Variants in CNBD1 observed in about 807,000 individuals in gnomAD.
CNBD1 encodes cyclic nucleotide-binding domain-containing protein 1.
CNBD1 carries 71 observed loss-of-function variants against 54.4 expected under a neutral mutation model. The ratio of observed to expected loss-of-function variants is 1.30; its 90% CI spans 1.08 to 1.59. The LOEUF is 1.59. CNBD1 is among the 40% of genes most tolerant of loss of function. The probability of loss-of-function intolerance (pLI) is 0.00; values close to 1 mark genes in which losing one functional copy is unlikely to be tolerated. For synonymous variants in CNBD1, 182 were observed against 170.7 expected, an observed-to-expected ratio of 1.07 and a Z score of -0.51; for missense variants, 659 against 518.0, an observed-to-expected ratio of 1.27 and a Z score of -2.64.
chr8:86,960,475 A>G (rs1294014382), intron 4 of CNBD1, among the ~76,000 whole-genome samples: 4 of 152,076 alleles, frequency 2.6e-5, no homozygotes, highest in African/African-American at 2.4e-5. Flanking sequence ...TAGGTAAACA[A>G]AGTGGCCGGG....
At chr8:87,112,499 A>T (rs2130705789) in intron 4 of CNBD1, among the ~76,000 whole-genome samples, 1 of 152,266 alleles carries the variant, frequency 6.6e-6, no homozygotes, top group South Asian at 2.1e-4. Flanking sequence ...AAGCCCTCAG[A>T]TTTCCACACT....
intron 4 of CNBD1, among the ~76,000 whole-genome samples, chr8:87,153,641 T>C (rs1812652224): frequency 6.6e-6 from 1 of 152,182 alleles, no homozygotes; most frequent in African/African-American, 2.4e-5. Context: ...GTATGAGAAA[T>C]ATAACTAATT....
chr8:86,913,421 C>T (rs773628852), intron 3 of CNBD1, among the ~76,000 whole-genome samples: 13 of 152,094 alleles, frequency 8.5e-5, no homozygotes, highest in Non-Finnish European at 1.6e-4. Flanking sequence ...GATAATTCTT[C>T]ATTATTTCAC....
intron 4 of CNBD1, among the ~76,000 whole-genome samples, chr8:87,091,890 T>C (rs1811209614): frequency 6.6e-6 from 1 of 152,196 alleles, no homozygotes; most frequent in Admixed American, 6.5e-5. Context: ...TGTCTATAAG[T>C]ATACCTATAA....
intron 8 of CNBD1, among the ~76,000 whole-genome samples, chr8:87,320,466 A>T (rs1241653782): frequency 6.6e-6 from 1 of 152,122 alleles, no homozygotes; most frequent in Non-Finnish European, 1.5e-5. Flanking sequence ...ATATGTGATG[A>T]TAATTCTGGA....
chr8:87,360,032 T>G (rs1407851515), intron 10 of CNBD1, among the ~76,000 whole-genome samples: 1 of 152,058 alleles, frequency 6.6e-6, no homozygotes, highest in East Asian at 1.9e-4. Flanking sequence ...TGCTTATCTT[T>G]CTCCAGGTAT....
Position 87,422,697 on chromosome 8 carries a change from T to A in CNBD1, c.214-5849T>A, listed in dbSNP as rs1430704038. On this transcript the variant is annotated intron_variant, in intron 2 of 7. Coordinates refer to the CNBD1 transcript ENST00000521593. Reference sequence around the variant, plus strand: ...TGTAGCCTTGTAGTATAGTTTGAAGTCAGGTAGTGTGATGCCTCCAGCTTT... The same window carrying A: ...TGTAGCCTTGTAGTATAGTTTGAAGACAGGTAGTGTGATGCCTCCAGCTTT... Among the ~76,000 whole-genome samples the A allele has an allele frequency of 5.9e-5, 9 of 152,290 alleles. No homozygotes were observed. In the East Asian group the frequency reaches 1.7e-3, roughly 29 times the overall value.
chr8:87,394,475 G>A (rs1479284142), intron 2 of CNBD1, among the ~76,000 whole-genome samples: 5 of 151,578 alleles, frequency 3.3e-5, no homozygotes, highest in Non-Finnish European at 1.5e-5. Context: ...TATTCTTTCT[G>A]TCTGTCTTCC....
chr8:87,138,100 G>A (rs377657039), intron 4 of CNBD1, among the ~76,000 whole-genome samples: 1 of 152,112 alleles, frequency 6.6e-6, no homozygotes, highest in African/African-American at 2.4e-5. Flanking sequence ...AGTTGACCCA[G>A]AGAATGAGGA....
intron 4 of CNBD1, among the ~76,000 whole-genome samples, chr8:87,133,001 GT>G (rs756015582): frequency 6.6e-6 from 1 of 151,152 alleles, no homozygotes; most frequent in East Asian, 1.9e-4. Context: ...CAAGCCCACT[GT>G]TTTTTTCTTC....
intron 8 of CNBD1, among the ~76,000 whole-genome samples, chr8:87,330,231 C>CTTTTTTTTTTTTTTT (rs3055413): frequency 7.6e-6 from 1 of 130,776 alleles, no homozygotes. Flanking sequence ...TTCCTTCTCT[C>CTTTTTTTTTTTTTTT]TTTTTTTTTT....
At chr8:87,055,811 C>CCCTT (rs988789757) in intron 4 of CNBD1, among the ~76,000 whole-genome samples, 1 of 149,102 alleles carries the variant, frequency 6.7e-6, no homozygotes, top group African/African-American at 2.5e-5. Context: ...TTTCATCCAT[C>CCCTT]CCTTCCTTCC....
At chr8:86,921,246 G>A (rs1444342005) in intron 3 of CNBD1, among the ~76,000 whole-genome samples, 1 of 151,964 alleles carries the variant, frequency 6.6e-6, no homozygotes, top group Non-Finnish European at 1.5e-5. Context: ...TTGAAAATAT[G>A]TATTTAACAT....
Position 87,393,601 on chromosome 8 carries a change from TAA to T in CNBD1, c.214-34941_214-34940del, listed in dbSNP as rs915842313. Among the ~76,000 whole-genome samples, 21 of 151,766 alleles carry T rather than the reference TAA, an allele frequency of 1.4e-4. 1 individual carries two copies. In the East Asian group the frequency reaches 3.9e-3, roughly 28 times the overall value. ...ACAATAATAGTCTGGCTTGTGAAAA[TAA>T]AAAGTAAGTGACAACCAAATGATAG... On this transcript the variant is annotated intron_variant, in intron 2 of 7. Transcript: ENST00000521593.
chr8:87,146,170 T>A (rs1314334211), intron 4 of CNBD1, among the ~76,000 whole-genome samples: 9 of 152,160 alleles, frequency 5.9e-5, no homozygotes, highest in Non-Finnish European at 1.3e-4. Context: ...TTTACAATTA[T>A]AATTATAGAC....
rs1298123430 is a variant in CNBD1 at position 87,323,176 on chromosome 8, G to C, written c.1043-28509G>C. 5.7e-5 allele frequency among the ~76,000 whole-genome samples: 7 copies of C among 122,584 alleles called. No homozygotes were observed. The East Asian group carries it at 1.3e-3, about 22-fold the overall frequency. The allele number at this position is 122,584 out of a possible 152,430, so 80.4% of individuals were successfully genotyped here. ...TCCATTGATCTATATCTCTGTTTTG[G>C]TACCAGTACCATGCTGTTTTGGTTA... On this transcript the variant is annotated intron_variant, in intron 8 of 10. Coordinates refer to ENST00000518476, the MANE Select transcript of CNBD1 (RefSeq NM_173538.3).
At chr8:87,272,360 A>C (rs1808386039) in intron 6 of CNBD1, among the ~76,000 whole-genome samples, 2 of 152,064 alleles carry the variant, frequency 1.3e-5, no homozygotes, top group Non-Finnish European at 2.9e-5. Context: ...AATATGTATC[A>C]ATAAATAAAT....
intron 3 of CNBD1, among the ~76,000 whole-genome samples, chr8:86,916,139 T>C (rs1380126760): frequency 1.3e-5 from 2 of 152,164 alleles, no homozygotes; most frequent in African/African-American, 4.8e-5. Context: ...TGTTCGGGTC[T>C]GCAGCAACCT....
intron 4 of CNBD1, among the ~76,000 whole-genome samples, chr8:86,968,041 T>G (rs1446926736): frequency 6.6e-6 from 1 of 152,094 alleles, no homozygotes; most frequent in African/African-American, 2.4e-5. Context: ...TGCTTCTGAG[T>G]ATTTTTCCCC....
Sources: allele counts gnomAD v4.1 joint callset (sites outside exome capture counted in the v4.1 genomes callset), GRCh38; gene constraint gnomAD v4.1.1; transcripts MANE v1.5; gene names NCBI Gene and HGNC (gene_info 2026-07-23, HGNC 2026-07-21).